ASTN2: variants seen among roughly 807,000 people sequenced by gnomAD.
ASTN2 encodes the protein astrotactin-2.
ASTN2 carries 54 observed loss-of-function variants against 139.8 expected under a neutral mutation model. That is an observed-to-expected ratio of 0.39 (90% CI 0.31 to 0.48). The LOEUF (loss-of-function observed/expected upper bound fraction) is 0.48, where lower values mean the gene tolerates loss of function less well. ASTN2 is among the 20% of genes least tolerant of loss of function. ASTN2 has a pLI of 0.95. For missense variants in ASTN2, 1,565 were observed against 1,725.1 expected (o/e 0.91, Z 1.64); for synonymous variants, 756 against 719.5 (o/e 1.05, Z -0.81).
intron 10 of ASTN2, among the ~76,000 whole-genome samples, chr9:116,926,607 A>G (rs115895746): frequency 1.0e-3 from 158 of 152,338 alleles, no homozygotes; most frequent in African/African-American, 3.8e-3. Context: ...GCTGATAATA[A>G]TTTAAATATG....
intron 3 of ASTN2, among the ~76,000 whole-genome samples, chr9:117,195,084 C>T (rs138660437): frequency 4.6e-5 from 7 of 152,148 alleles, no homozygotes; most frequent in Admixed American, 2.6e-4. Flanking sequence ...TCTCATGGAA[C>T]CTTCAGCCTA....
intron 19 of ASTN2, among the ~76,000 whole-genome samples, chr9:116,502,831 G>A (rs1200082121): frequency 7.0e-6 from 1 of 142,352 alleles, no homozygotes. Context: ...GAATGAAGGA[G>A]GGAGGGAGAG....
At chr9:116,735,841 C>G (rs1828912671) in intron 13 of ASTN2, among the ~76,000 whole-genome samples, 1 of 152,212 alleles carries the variant, frequency 6.6e-6, no homozygotes. Flanking sequence ...GCTGTGTAAC[C>G]TGGAGCAAAC....
At chr9:116,760,570 C>T (rs945656374) in intron 13 of ASTN2, among the ~76,000 whole-genome samples, 2 of 152,194 alleles carry the variant, frequency 1.3e-5, no homozygotes, top group Admixed American at 6.5e-5. Context: ...GAGGAACAGA[C>T]ACATTAAGGC....
intron 16 of ASTN2, among the ~76,000 whole-genome samples, chr9:116,696,393 T>C (rs1860853743): frequency 6.6e-6 from 1 of 152,242 alleles, no homozygotes; most frequent in Non-Finnish European, 1.5e-5. Context: ...ACAGTATTTT[T>C]CCATTTTAAA....
intron 1 of ASTN2, among the ~76,000 whole-genome samples, chr9:117,346,051 A>G (rs942979562): frequency 6.6e-6 from 1 of 151,098 alleles, no homozygotes; most frequent in Non-Finnish European, 1.5e-5. Context: ...TATACCAGGC[A>G]TTTTCCAGAT....
At chr9:117,333,634 C>T (rs1459698662) in intron 1 of ASTN2, among the ~76,000 whole-genome samples, 1 of 152,114 alleles carries the variant, frequency 6.6e-6, no homozygotes, top group Middle Eastern at 3.2e-3. Flanking sequence ...GTTTGGAAGC[C>T]ACCGATCTTG....
intron 22 of ASTN2, chr9:116,437,231 T>A (rs1057383485): frequency 8.8e-6 from 4 of 452,464 alleles, no homozygotes; most frequent in Non-Finnish European, 1.8e-5. Context: ...TTCTAGTTCG[T>A]CCTTATCATG....
At chr9:117,216,151 A>T (rs1832312804) in intron 2 of ASTN2, among the ~76,000 whole-genome samples, 1 of 152,194 alleles carries the variant, frequency 6.6e-6, no homozygotes, top group African/African-American at 2.4e-5. Context: ...ACATTATCTT[A>T]GGGGCAAAGG....
chr9:116,899,375 T>C (rs561218708), intron 10 of ASTN2, among the ~76,000 whole-genome samples: 134 of 152,352 alleles, frequency 8.8e-4, no homozygotes, highest in African/African-American at 3.1e-3. Context: ...TGGAACTCTG[T>C]TCTCTCTCCC....
chr9:116,553,954 TTGAACGAA>T (rs1342734039), intron 19 of ASTN2, among the ~76,000 whole-genome samples: 33 of 152,202 alleles, frequency 2.2e-4, no homozygotes, highest in African/African-American at 7.5e-4. Flanking sequence ...TCAGTGAGCA[TTGAACGAA>T]TGAACGAATG....
chr9:117,018,687 T>C (rs957029531), intron 6 of ASTN2, among the ~76,000 whole-genome samples: 1 of 152,186 alleles, frequency 6.6e-6, no homozygotes, highest in African/African-American at 2.4e-5. Context: ...TGGGAAATGC[T>C]TGATATTTCT....
intron 16 of ASTN2, chr9:116,698,000 T>C: frequency 6.2e-7 from 1 of 1,614,158 alleles, no homozygotes; most frequent in East Asian, 2.2e-5. Context: ...TAAAGATCAT[T>C]GATACAGCTG....
intron 7 of ASTN2, among the ~76,000 whole-genome samples, chr9:117,003,953 C>CGCGCGCGCGCGCGCGCGCGTGTGTGTGT (rs1218309835): frequency 6.8e-6 from 1 of 146,226 alleles, no homozygotes; most frequent in African/African-American, 2.6e-5. Context: ...CGCGCGCGCG[C>CGCGCGCGCGCGCGCGCGCGTGTGTGTGT]GTGTGTGTGT....
intron 2 of ASTN2, among the ~76,000 whole-genome samples, chr9:117,216,640 T>C (rs1485211507): frequency 3.0e-4 from 45 of 152,228 alleles, no homozygotes; most frequent in Admixed American, 2.9e-3. Flanking sequence ...AATCTTTTTT[T>C]TCCTCTACAG....
chr9:116,509,074 A>G (rs181981906), intron 19 of ASTN2, among the ~76,000 whole-genome samples: 59 of 152,268 alleles, frequency 3.9e-4, no homozygotes, highest in African/African-American at 1.3e-3. Flanking sequence ...TTAGTTACAT[A>G]TGTATACATG....
intron 20 of ASTN2, among the ~76,000 whole-genome samples, chr9:116,467,948 G>A (rs2118997771): frequency 6.6e-6 from 1 of 152,288 alleles, no homozygotes; most frequent in South Asian, 2.1e-4. Context: ...CTCTGTCACT[G>A]CCTGGCCACA....
chr9:116,840,809 C>G (rs1195496273), intron 11 of ASTN2, among the ~76,000 whole-genome samples: 1 of 150,754 alleles, frequency 6.6e-6, no homozygotes, highest in Non-Finnish European at 1.5e-5. Flanking sequence ...TCCTCACTTC[C>G]CAGATGTGAT....
At chr9:117,232,088 C>T (rs1298894002) in intron 2 of ASTN2, among the ~76,000 whole-genome samples, 3 of 152,000 alleles carry the variant, frequency 2.0e-5, no homozygotes, top group African/African-American at 7.3e-5. Context: ...ACAAAAGCCA[C>T]CCAGGGTAAG....
Sources: gnomAD v4.1 joint callset for allele counts (sites outside exome capture counted in the v4.1 genomes callset) on GRCh38, gnomAD v4.1.1 for gene constraint, MANE v1.5 for transcripts, NCBI Gene and HGNC (gene_info 2026-07-23, HGNC 2026-07-21) for gene names.